Variants in USP32 observed in about 807,000 individuals in gnomAD.
USP32 encodes the protein ubiquitin specific peptidase 32.
USP32 carries 59 observed loss-of-function variants against 204.8 expected under a neutral mutation model. The observed-to-expected ratio is 0.29, with a 90% CI of 0.23 to 0.36. The LOEUF (loss-of-function observed/expected upper bound fraction) is 0.36, where lower values mean the gene tolerates loss of function less well. USP32 is among the 10% of genes least tolerant of loss of function. USP32 has a pLI of 1.00. For synonymous variants in USP32, 517 were observed against 678.4 expected, an observed-to-expected ratio of 0.76 and a Z score of 3.70; for missense variants, 1,160 against 1,946.4, an observed-to-expected ratio of 0.60 and a Z score of 7.60.
chr17:60,401,080 G>C (rs984768964), intron 1 of USP32, among the ~76,000 whole-genome samples: 1 of 151,968 alleles, frequency 6.6e-6, no homozygotes, highest in African/African-American at 2.4e-5. Context: ...GGCTTGAACC[G>C]GGGAGGTAGA....
At chr17:60,291,710 T>C (rs986503813) in intron 4 of USP32, among the ~76,000 whole-genome samples, 2 of 152,138 alleles carry the variant, frequency 1.3e-5, no homozygotes, top group Admixed American at 6.6e-5. Flanking sequence ...ATAAATCAAA[T>C]AGTTGAATCA....
chr17:60,269,180 G>C (rs1172984351), intron 7 of USP32, among the ~76,000 whole-genome samples: 1 of 152,094 alleles, frequency 6.6e-6, no homozygotes, highest in African/African-American at 2.4e-5. Context: ...CATCATAGCT[G>C]ATCTGATTCA....
At chr17:60,415,827 G>T (rs2090056634) in intron 1 of USP32, among the ~76,000 whole-genome samples, 1 of 151,942 alleles carries the variant, frequency 6.6e-6, no homozygotes, top group Non-Finnish European at 1.5e-5. Flanking sequence ...ATGCTTGGTG[G>T]TGTTTTTTTT....
At chr17:60,402,296 G>A (rs904406697) in intron 1 of USP32, among the ~76,000 whole-genome samples, 15 of 145,750 alleles carry the variant, frequency 1.0e-4, no homozygotes, top group African/African-American at 3.9e-4. Flanking sequence ...TGTTGCCCAG[G>A]CTGGAGTGCA....
upstream of USP32, chr17:60,392,403 C>T (rs2089857613): frequency 3.9e-6 from 1 of 256,470 alleles, no homozygotes; most frequent in African/African-American, 2.4e-5. Flanking sequence ...CATCTTCCCG[C>T]CAATCGCAGC....
chr17:60,278,716 C>T (rs1453787307), intron 5 of USP32, among the ~76,000 whole-genome samples: 1 of 152,106 alleles, frequency 6.6e-6, no homozygotes, highest in African/African-American at 2.4e-5. Context: ...ATAAAGATAA[C>T]AGTTGAACCT....
At chr17:60,231,406 A>T (rs578234306) in intron 12 of USP32, 19 of 342,836 alleles carry the variant, frequency 5.5e-5, no homozygotes, top group African/African-American at 3.3e-4. Flanking sequence ...GTAATAAAAT[A>T]ATTGTCTGAT....
At chr17:60,361,136 A>G (rs1203172097) in intron 1 of USP32, among the ~76,000 whole-genome samples, 3 of 152,166 alleles carry the variant, frequency 2.0e-5, no homozygotes, top group African/African-American at 7.2e-5. Flanking sequence ...CTCAGAACAA[A>G]CAAACAACAA....
In USP32 at chr17:60,197,527, C is replaced by T. The variant is rs534117636; in HGVS notation, c.3434+733G>A. Among the ~76,000 whole-genome samples the T allele has an allele frequency of 1.2e-3, 189 of 152,206 alleles. 1 individual carries two copies. The highest frequency in any genetic ancestry group is 4.5e-3 in the African/African-American group (186 of 41,538). On this transcript the variant is annotated intron_variant, in intron 27 of 33. Coordinates refer to ENST00000300896, the MANE Select transcript of USP32 (RefSeq NM_032582.4). ...GCTGAGGCAGGAGATTTTTTTGAACCCAGGAGGTGGAGGCTGCAGTAAGCC... is the reference window on the plus strand; with the variant it reads ...GCTGAGGCAGGAGATTTTTTTGAACTCAGGAGGTGGAGGCTGCAGTAAGCC...
At chr17:60,416,054 G>T (rs1400130990) in intron 1 of USP32, among the ~76,000 whole-genome samples, 1 of 152,096 alleles carries the variant, frequency 6.6e-6, no homozygotes, top group African/African-American at 2.4e-5. Context: ...TGGCCAGAAT[G>T]GTCTCGATCT....
chr17:60,301,551 T>C (rs767392429), intron 3 of USP32, 48 bp downstream of exon 3: 4 of 1,195,104 alleles, frequency 3.3e-6, no homozygotes, highest in South Asian at 3.2e-5. Context: ...TTGAGATAAA[T>C]TATTCTGTAC....
intron 26 of USP32, among the ~76,000 whole-genome samples, chr17:60,198,992 T>C (rs1407354115): frequency 6.6e-6 from 1 of 152,128 alleles, no homozygotes; most frequent in Non-Finnish European, 1.5e-5. Flanking sequence ...GGCATGTGTC[T>C]GTAGTCCCAG....
intron 11 of USP32, among the ~76,000 whole-genome samples, chr17:60,243,086 T>C (rs192719612): frequency 1.3e-5 from 2 of 152,372 alleles, no homozygotes; most frequent in African/African-American, 2.4e-5. Context: ...GTTGAATTTG[T>C]TTCCAAGGGT....
In USP32 at chr17:60,255,304, T is replaced by C. The variant is rs761161634; in HGVS notation, c.991-46A>G. On this transcript the variant is annotated intron_variant, in intron 9 of 33. Coordinates refer to ENST00000300896, the MANE Select transcript of USP32 (RefSeq NM_032582.4). ...TTAGGAACATCTTTTTTTTCTTTTT[T>C]TTTTTTTTTTTGAGACGGAGTCTCA... 9 of 1,493,912 alleles carry C rather than the reference T, an allele frequency of 6.0e-6. No homozygotes were observed. The South Asian group carries it at 8.6e-5, about 14-fold the overall frequency. 92.5% of individuals were successfully genotyped at this position (1,493,912 alleles called of 1,614,324 possible).
intron 1 of USP32, among the ~76,000 whole-genome samples, chr17:60,390,446 A>T (rs1461816771): frequency 6.6e-6 from 1 of 152,236 alleles, no homozygotes; most frequent in Non-Finnish European, 1.5e-5. Flanking sequence ...CTGGAAACAC[A>T]TCAAGAATTT....
chr17:60,186,232 T>G (rs1315678383), intron 29 of USP32, among the ~76,000 whole-genome samples: 6 of 152,238 alleles, frequency 3.9e-5, no homozygotes, highest in Admixed American at 6.5e-5. Context: ...AGAATTGCAT[T>G]TATTTAACAA....
intron 1 of USP32, among the ~76,000 whole-genome samples, chr17:60,359,785 T>C (rs777039166): frequency 1.3e-5 from 2 of 152,136 alleles, no homozygotes; most frequent in Non-Finnish European, 2.9e-5. Flanking sequence ...TACTCCAGCA[T>C]TCCATAAAGA....
rs1229190035 is a variant in USP32 at position 60,198,430 on chromosome 17, C to T, written c.3264G>A (p.Leu1088=). Residue 1088 remains leucine (L), a synonymous_variant, in exon 27 of 34, where the codon CTG becomes CTA. Coordinates refer to ENST00000300896, the MANE Select transcript of USP32 (RefSeq NM_032582.4). ...AVHRKMMRTE[L]YFLSSQKNRP... ...GATTCTTCTGAGATGACAGGAAATA[C>T]AGTTCTGTCCTCATCTGTATGTACA... 3.7e-6 allele frequency: 6 copies of T among 1,614,138 alleles called. No homozygotes were observed. The highest frequency in any genetic ancestry group is 5.1e-6 in the Non-Finnish European group (6 of 1,180,008).
Position 60,209,433 on chromosome 17 carries a change from A to G in USP32, c.2535T>C (p.His845=), listed in dbSNP as rs1487756887. 2.5e-6 allele frequency: 4 copies of G among 1,582,620 alleles called. No individual in the cohort carries two copies. The highest frequency in any genetic ancestry group is 1.2e-5 in the South Asian group (1 of 84,696). Residue 845 remains histidine, a synonymous_variant, in exon 22 of 34, where the codon CAT becomes CAC. Coordinates refer to ENST00000300896, the MANE Select transcript of USP32 (RefSeq NM_032582.4). The stretch of plus-strand genomic sequence containing the variant: ...CCTTCAGTTCCACATATGGCTTTTC[A>G]TGGACTCGATTAAGATCTTCATGAA... ...DGLHEDLNRV[H]EKPYVELKDS...
Sources: allele counts gnomAD v4.1 joint callset (sites outside exome capture counted in the v4.1 genomes callset), GRCh38; gene constraint gnomAD v4.1.1; transcripts MANE v1.5; gene names NCBI Gene and HGNC (gene_info 2026-07-23, HGNC 2026-07-21).